Variants in ZPBP observed in about 807,000 individuals in gnomAD.
ZPBP encodes the protein zona pellucida binding protein, also known as zona pellucida-binding protein 1.
ZPBP carries 26 observed loss-of-function variants against 44.8 expected under a neutral mutation model. The ratio of observed to expected loss-of-function variants is 0.58; its 90% confidence interval spans 0.43 to 0.81. The LOEUF (loss-of-function observed/expected upper bound fraction) is 0.81, where lower values mean the gene tolerates loss of function less well. Among genes scored for constraint, ZPBP ranks in the 30% least tolerant of loss-of-function variants. The pLI is 0.00. For synonymous variants in ZPBP, 174 were observed against 153.2 expected, an observed-to-expected ratio of 1.14 and a Z score of -1.00; for missense variants, 409 against 434.0, an observed-to-expected ratio of 0.94 and a Z score of 0.51.
rs34696520 is a variant in ZPBP at position 49,978,081 on chromosome 7, G to GT, written c.961+5260dup. 5.5e-3 allele frequency among the ~76,000 whole-genome samples: 788 copies of GT among 143,380 alleles called. 9 individuals carry two copies. Among genetic ancestry groups the GT allele is most frequent in the African/African-American group, 0.012 (466 of 39,438 alleles). The allele number at this position is 143,380 out of a possible 152,430, so 94.1% of individuals were successfully genotyped here. On this transcript the variant is annotated intron_variant, in intron 7 of 7. Coordinates refer to ENST00000046087, the MANE Select transcript of ZPBP (RefSeq NM_007009.3). ...CAAGTTTGTTTGTTTTTGGTTTTTTGTTTTTTTTTTTTTGAAAAACTAGCA... is the reference window on the plus strand; with the variant it reads ...CAAGTTTGTTTGTTTTTGGTTTTTTGTTTTTTTTTTTTTTGAAAAACTAGCA...
At chr7:49,980,235 TATATAATATAAATATATAATAC>T (rs1419973220) in intron 7 of ZPBP, among the ~76,000 whole-genome samples, 3 of 121,444 alleles carry the variant, frequency 2.5e-5, no homozygotes, top group Admixed American at 1.1e-4. Context: ...ATAATATAAA[TATATAATATAAATATATAATAC>T]ATATAATATA....
intron 5 of ZPBP, among the ~76,000 whole-genome samples, chr7:50,018,613 A>C (rs184570186): frequency 7.9e-5 from 12 of 152,094 alleles, no homozygotes; most frequent in Admixed American, 5.9e-4. Context: ...AATAACATAC[A>C]TATGTATATG....
At chr7:50,080,704 T>C (rs1194911440) in intron 3 of ZPBP, among the ~76,000 whole-genome samples, 3 of 151,774 alleles carry the variant, frequency 2.0e-5, no homozygotes, top group Non-Finnish European at 4.4e-5. Context: ...TAAAATTTGA[T>C]TGTATTTCCA....
At chr7:49,982,626 A>G (rs1797079330) in intron 7 of ZPBP, among the ~76,000 whole-genome samples, 1 of 151,562 alleles carries the variant, frequency 6.6e-6, no homozygotes, top group Non-Finnish European at 1.5e-5. Context: ...AGACAAATAA[A>G]CTTTTTTCCT....
chr7:49,853,960 C>T (rs544103422), intron 2 of ZPBP, among the ~76,000 whole-genome samples: 13 of 149,382 alleles, frequency 8.7e-5, no homozygotes, highest in South Asian at 2.1e-4. Flanking sequence ...TGAGAACATG[C>T]GGTGTTTGGT....
At chr7:50,023,921 G>A (rs1799207054) in intron 5 of ZPBP, among the ~76,000 whole-genome samples, 1 of 151,628 alleles carries the variant, frequency 6.6e-6, no homozygotes, top group Non-Finnish European at 1.5e-5. Context: ...ATTGAAGCTT[G>A]AAAATACATC....
At chr7:49,858,708 TA>T (rs150250284) in intron 2 of ZPBP, among the ~76,000 whole-genome samples, 9,070 of 151,616 alleles carry the variant, frequency 0.06, 854 homozygotes, top group African/African-American at 0.2. Flanking sequence ...ATAATAATAA[TA>T]AAAAAAAGAA....
rs114222684 is a variant in ZPBP at position 50,025,611 on chromosome 7, A to T, written c.706+5481T>A. Among the ~76,000 whole-genome samples, 1,181 of 152,026 alleles carry T rather than the reference A, an allele frequency of 7.8e-3. 24 individuals carry two copies. Among genetic ancestry groups the T allele is most frequent in the African/African-American group, 0.027 (1,120 of 41,552 alleles). On this transcript the variant is annotated intron_variant, in intron 5 of 7. Transcript: ENST00000046087. Reference sequence around the variant, plus strand: ...AAATAAATCTAGACTTATACCTTTCACCAAAATTAACTTCATAATATAATC... The same window carrying T: ...AAATAAATCTAGACTTATACCTTTCTCCAAAATTAACTTCATAATATAATC...
intron 7 of ZPBP, among the ~76,000 whole-genome samples, chr7:49,951,528 G>A (rs1795343129): frequency 6.7e-6 from 1 of 149,002 alleles, no homozygotes; most frequent in African/African-American, 2.5e-5. Context: ...ACATATACTA[G>A]AATGGTTAAA....
intron 7 of ZPBP, chr7:49,942,913 C>T (rs1794948729): frequency 6.2e-6 from 1 of 162,046 alleles, no homozygotes; most frequent in Non-Finnish European, 1.3e-5. Flanking sequence ...TTTTCAATCA[C>T]AGATTCTGTC....
chr7:50,088,064 C>T (rs993076783), intron 2 of ZPBP, among the ~76,000 whole-genome samples: 3 of 151,980 alleles, frequency 2.0e-5, no homozygotes, highest in Admixed American at 1.3e-4. Flanking sequence ...AGCAAAGTAT[C>T]AGCATAAGAA....
intron 7 of ZPBP, among the ~76,000 whole-genome samples, chr7:49,977,044 G>A (rs2128774072): frequency 6.6e-6 from 1 of 151,792 alleles, no homozygotes; most frequent in African/African-American, 2.4e-5. Context: ...GGAGCTTGCA[G>A]TGAGCCGAGA....
chr7:49,911,954 TAC>T, intron 1 of ZPBP: 2 of 434,406 alleles, frequency 4.6e-6, no homozygotes, highest in Non-Finnish European at 6.6e-6. Flanking sequence ...CACATATATA[TAC>T]TGTAATGCTT....
intron 2 of ZPBP, among the ~76,000 whole-genome samples, chr7:49,884,880 T>C (rs951270502): frequency 1.3e-5 from 2 of 151,450 alleles, no homozygotes; most frequent in African/African-American, 4.9e-5. Flanking sequence ...CATGAGAAAA[T>C]AGAAAAATTA....
intron 7 of ZPBP, among the ~76,000 whole-genome samples, chr7:49,968,884 G>A (rs553111872): frequency 1.9e-4 from 29 of 151,752 alleles, no homozygotes; most frequent in African/African-American, 6.0e-4. Context: ...AATATTTATC[G>A]TCATATAAAA....
rs1316949935 is a variant in ZPBP at position 49,877,476 on chromosome 7, AAAAAAAT to A, written n.509+23635_509+23641del. On this transcript the variant is annotated intron_variant and non_coding_transcript_variant, in intron 2 of 2. Coordinates refer to the ZPBP transcript ENST00000465922. ...AAACTCTGTCTCAAAAAAAAAAAAAAAAAAAATATATATATATATATATATATATATA... is the reference window on the plus strand; with the variant it reads ...AAACTCTGTCTCAAAAAAAAAAAAAAATATATATATATATATATATATATA... 2.1e-3 allele frequency among the ~76,000 whole-genome samples: 92 copies of A among 43,854 alleles called. 1 individual carries two copies. The highest frequency in any genetic ancestry group is 2.8e-3 in the Non-Finnish European group (71 of 25,062). 28.8% of individuals were successfully genotyped at this position (43,854 alleles called of 152,430 possible).
At chr7:49,945,733 G>C (rs557375237) in intron 7 of ZPBP, among the ~76,000 whole-genome samples, 2 of 151,928 alleles carry the variant, frequency 1.3e-5, no homozygotes, top group South Asian at 4.2e-4. Flanking sequence ...GTGTCCGTCT[G>C]GGTGTAGTGT....
chr7:49,987,729 TGTGTGTGTGTGTGTG>T (rs1389401323), intron 6 of ZPBP, among the ~76,000 whole-genome samples: 2 of 608 alleles, frequency 3.3e-3, no homozygotes, highest in South Asian at 0.026. Flanking sequence ...ATATATGTGT[TGTGTGTGTGTGTGTG>T]TGTGTGTGTG....
chr7:50,043,709 A>G (rs1800206686), intron 4 of ZPBP, among the ~76,000 whole-genome samples: 1 of 152,082 alleles, frequency 6.6e-6, no homozygotes, highest in Non-Finnish European at 1.5e-5. Flanking sequence ...CTCCCACACA[A>G]TAATAGTAGG....
Sources: allele counts gnomAD v4.1 joint callset (sites outside exome capture counted in the v4.1 genomes callset), GRCh38; gene constraint gnomAD v4.1.1; transcripts MANE v1.5; gene names NCBI Gene and HGNC (gene_info 2026-07-23, HGNC 2026-07-21).